SFXN5: variants seen among roughly 807,000 people sequenced by gnomAD.
SFXN5 encodes sideroflexin-5.
SFXN5 carries 43 observed loss-of-function variants against 50.2 expected under a neutral mutation model. The observed-to-expected ratio is 0.86, with a 90% CI of 0.67 to 1.11. SFXN5 has a LOEUF of 1.11. Ranked by LOEUF, SFXN5 falls within the 50% of genes least tolerant of loss-of-function variation. The pLI is 0.00. For synonymous variants in SFXN5, 203 were observed against 185.8 expected (o/e 1.09, Z -0.75); for missense variants, 463 against 454.1 (o/e 1.02, Z -0.18).
Position 72,961,628 on chromosome 2 carries a change from G to A in SFXN5, c.828-380C>T, listed in dbSNP as rs957150922. 6.6e-6 allele frequency among the ~76,000 whole-genome samples: 1 copy of A among 152,198 alleles called. No individual in the cohort carries two copies. Among genetic ancestry groups the A allele is most frequent in the East Asian group, 1.9e-4 (1 of 5,190 alleles). ...TGTTCCTGGGGAGACACATAGGGAC[G>A]TAAGATCGCTCTCGAGGGCAGCACG... On this transcript the variant is annotated intron_variant, in intron 12 of 13. Transcript: ENST00000272433. The surrounding 1 kb of genome is among the most constrained non-coding windows in gnomAD (Gnocchi z 4.4).
intron 6 of SFXN5, among the ~76,000 whole-genome samples, chr2:73,005,548 C>T (rs1374819187): frequency 6.6e-6 from 1 of 152,220 alleles, no homozygotes; most frequent in African/African-American, 2.4e-5. Context: ...TTCGCCTCAG[C>T]ATGCAGCCTG....
intron 6 of SFXN5, among the ~76,000 whole-genome samples, chr2:73,009,967 T>G (rs1353886401): frequency 6.6e-6 from 1 of 152,218 alleles, no homozygotes; most frequent in Non-Finnish European, 1.5e-5. Flanking sequence ...GATAATTGTG[T>G]AAGGGTCCAT....
intron 6 of SFXN5, among the ~76,000 whole-genome samples, chr2:73,014,648 C>T (rs1675932015): frequency 6.6e-6 from 1 of 152,146 alleles, no homozygotes; most frequent in African/African-American, 2.4e-5. Flanking sequence ...AATGATACAG[C>T]TCTCCACTTA....
chr2:73,064,347 C>T (rs1683023854), intron 1 of SFXN5, among the ~76,000 whole-genome samples: 2 of 152,246 alleles, frequency 1.3e-5, no homozygotes, highest in South Asian at 4.1e-4. Context: ...CCAGGCCATA[C>T]ACCCAGGGAT....
intron 2 of SFXN5, among the ~76,000 whole-genome samples, chr2:73,044,923 A>T (rs1574215703): frequency 6.6e-6 from 1 of 152,310 alleles, no homozygotes; most frequent in African/African-American, 2.4e-5. Context: ...TCAAGGCCCC[A>T]CCTGAGGGGA....
chr2:73,022,688 A>C, intron 4 of SFXN5, 112 bp from the exon 5 acceptor site: 1 of 718,790 alleles, frequency 1.4e-6, no homozygotes, highest in Non-Finnish European at 2.5e-6. Flanking sequence ...GGAAGAAGGG[A>C]AGAAGACAAC....
intron 6 of SFXN5, among the ~76,000 whole-genome samples, chr2:73,004,670 C>T (rs1294771054): frequency 2.0e-5 from 3 of 151,956 alleles, no homozygotes; most frequent in Non-Finnish European, 2.9e-5. Context: ...GGTTAGAAGA[C>T]AGGAACACCG....
intron 13 of SFXN5, among the ~76,000 whole-genome samples, chr2:72,957,618 C>T (rs1015391039): frequency 6.6e-6 from 1 of 152,250 alleles, no homozygotes; most frequent in Non-Finnish European, 1.5e-5. Context: ...TCAGCCCAAG[C>T]AAGTCCAGAC....
At chr2:73,017,177 GA>G (rs60234413) in intron 6 of SFXN5, among the ~76,000 whole-genome samples, 8,931 of 152,234 alleles carry the variant, frequency 0.059, 306 homozygotes, top group East Asian at 0.14. Flanking sequence ...AAAAAAGGGG[GA>G]AAGCAGATAT....
rs1035461758 is a variant in SFXN5 at position 73,051,314 on chromosome 2, A to C, written c.171+7214T>G. 2.2e-5 allele frequency among the ~76,000 whole-genome samples: 3 copies of C among 136,312 alleles called. No homozygotes were observed. The East Asian group carries it at 6.6e-4, about 30-fold the overall frequency. The allele number at this position is 136,312 out of a possible 152,430, so 89.4% of individuals were successfully genotyped here. ...TACTCTGTCACCCAGGCTGGAGTGC[A>C]GTGGTGCAATCTCAGCTCACTGCAA... On this transcript the variant is annotated intron_variant, in intron 2 of 13. Coordinates refer to ENST00000272433, the MANE Select transcript of SFXN5 (RefSeq NM_144579.3).
intron 2 of SFXN5, chr2:73,042,342 T>C (rs10178944): frequency 0.34 from 52,202 of 152,050 alleles, 10,860 homozygotes; most frequent in African/African-American, 0.58. Context: ...GGGCTGGACA[T>C]GATGGCTCAT....
In SFXN5 at chr2:73,020,256, G is replaced by T. The variant is rs751369659; in HGVS notation, c.340C>A (p.Pro114Thr). 6.2e-7 allele frequency: 1 copy of T among 1,614,004 alleles called. No homozygotes were observed. The highest frequency in any genetic ancestry group is 8.5e-7 in the Non-Finnish European group (1 of 1,179,928). ...ACACTTACAATTGGCGTCCCAAAAG[G>T]AATATAACCTGTGAACGAGAAGAAA... is the stretch of plus-strand genomic sequence containing the variant. ...FMPFRMSGYI[P>T]FGTPIVVGLL... Residue 114 changes from proline (P) to threonine (T), a missense_variant, in exon 6 of 14, where the codon CCT becomes ACT. Coordinates refer to ENST00000272433, the MANE Select transcript of SFXN5 (RefSeq NM_144579.3).
At chr2:73,054,318 C>T (rs1681800265) in intron 2 of SFXN5, among the ~76,000 whole-genome samples, 1 of 152,098 alleles carries the variant, frequency 6.6e-6, no homozygotes, top group Non-Finnish European at 1.5e-5. Flanking sequence ...TTGGAGTTGC[C>T]TTCATTATTT....
intron 12 of SFXN5, 90 bp downstream of exon 12, chr2:72,968,358 C>G (rs1674707308): frequency 8.1e-7 from 1 of 1,230,288 alleles, no homozygotes; most frequent in African/African-American, 1.5e-5. Flanking sequence ...TCCTGCCACC[C>G]CCTCATCTCT....
At chr2:73,032,927 A>G (rs989889659) in intron 3 of SFXN5, among the ~76,000 whole-genome samples, 4 of 152,176 alleles carry the variant, frequency 2.6e-5, no homozygotes, top group African/African-American at 9.7e-5. Context: ...TTGCAAGTCT[A>G]TGTCAGGTGA....
chr2:73,028,303 C>T (rs1376065530), intron 3 of SFXN5, among the ~76,000 whole-genome samples: 2 of 152,212 alleles, frequency 1.3e-5, no homozygotes, highest in African/African-American at 2.4e-5. Context: ...CACATGCTGG[C>T]GGCCCGGACC....
chr2:73,010,697 C>T (rs540873030), intron 6 of SFXN5, among the ~76,000 whole-genome samples: 10 of 152,334 alleles, frequency 6.6e-5, no homozygotes, highest in Admixed American at 2.0e-4. Flanking sequence ...AGGTCACTTT[C>T]TCTGAAAATA....
chr2:73,029,455 C>T (rs1678017373), intron 3 of SFXN5, among the ~76,000 whole-genome samples: 2 of 152,184 alleles, frequency 1.3e-5, no homozygotes, highest in South Asian at 4.1e-4. Flanking sequence ...ATTTAATCAT[C>T]TTTCAAAGTA....
intron 3 of SFXN5, among the ~76,000 whole-genome samples, chr2:73,023,609 C>G (rs1677186479): frequency 6.6e-6 from 1 of 152,166 alleles, no homozygotes; most frequent in African/African-American, 2.4e-5. Flanking sequence ...TCACTAGTGA[C>G]AGCATAATAT....
Sources: gnomAD v4.1 joint callset for allele counts (sites outside exome capture counted in the v4.1 genomes callset) on GRCh38, gnomAD v4.1.1 for gene constraint, Gnocchi (gnomAD v3.1) non-coding constraint, MANE v1.5 for transcripts, NCBI Gene and HGNC (gene_info 2026-07-23, HGNC 2026-07-21) for gene names.